Variants in CCDC9B observed in about 807,000 individuals in gnomAD.
CCDC9B encodes the protein coiled-coil domain-containing protein 9B.
Under a neutral mutation model 47.2 loss-of-function variants are expected in CCDC9B, and 40 were observed. That is an observed-to-expected ratio of 0.85 (90% CI 0.66 to 1.10). CCDC9B has a LOEUF of 1.10. CCDC9B is among the 50% of genes least tolerant of loss of function. The pLI is 0.00. For synonymous variants in CCDC9B, 238 were observed against 250.7 expected, an observed-to-expected ratio of 0.95 and a Z score of 0.48; for missense variants, 662 against 651.0, an observed-to-expected ratio of 1.02 and a Z score of -0.18.
Position 40,337,007 on chromosome 15 carries a change from G to A in CCDC9B, c.743-194C>T, listed in dbSNP as rs1423721412. 9.9e-6 allele frequency: 6 copies of A among 604,050 alleles called. No individual in the cohort carries two copies. In the African/African-American group the frequency reaches 1.1e-4, roughly 11 times the overall value. The allele number at this position is 604,050 out of a possible 1,614,324, so 37.4% of individuals were successfully genotyped here. A position where few individuals can be genotyped will look rare whatever the true frequency, so the allele number is the denominator to read the frequency against. On this transcript the variant is annotated intron_variant, in intron 7 of 10. Transcript: ENST00000397536. ...TTTGCCACTCCATGGCTAGGTGTCT[G>A]GCCCCAACTCTCAGGCCACAGCTTC...
rs748700372 is a variant in CCDC9B at position 40,337,754 on chromosome 15, C to A, written c.653G>T (p.Arg218Leu). 8 of 1,606,252 alleles carry A rather than the reference C, an allele frequency of 5.0e-6. No individual in the cohort carries two copies. In the South Asian group the frequency reaches 8.8e-5, roughly 18 times the overall value. Residue 218 changes from arginine (R) to leucine (L), a missense_variant, in exon 6 of 11, where the codon CGC becomes CTC. Physicochemically the swap from Arg to Leu is moderately radical, Grantham distance 102. Transcript: ENST00000397536. ...CTTGGCCTTGTCCAGGTCCCACGGG[C>A]GGCGCCAGTCACCCTGTGCGTCTCT... is the stretch of plus-strand genomic sequence containing the variant. ...RHRDAQGDWR[R>L]PWDLDKAKST...
chr15:40,335,892 A>C, intron 9 of CCDC9B, 66 bp from the exon 10 acceptor site: 2 of 1,567,756 alleles, frequency 1.3e-6, no homozygotes, highest in Non-Finnish European at 8.7e-7. Flanking sequence ...CCCCTGCCTG[A>C]ATAGAGGGGT....
rs1205345746 is a variant in CCDC9B at position 40,337,717 on chromosome 15, C to CCA, written c.683+6_683+7insTG. On this transcript the variant is annotated splice_region_variant and intron_variant, in intron 6 of 10. Coordinates refer to ENST00000397536, the MANE Select transcript of CCDC9B (RefSeq NM_207380.3). ...CCACAGGCAACCTGCCCAACCCAGC[C>CCA]ACCCACGTGGACTTGGCCTTGTCCA... 1.9e-6 allele frequency: 3 copies of CCA among 1,585,838 alleles called. No homozygotes were observed. The East Asian group carries it at 6.7e-5, about 35-fold the overall frequency.
At chr15:40,338,071 A>G (rs754736019) in intron 5 of CCDC9B, 178 bp from the exon 6 acceptor site, 18 of 744,610 alleles carry the variant, frequency 2.4e-5, no homozygotes, top group Non-Finnish European at 3.7e-5. Context: ...TGTTTTACAT[A>G]AGTAATTTAA....
Position 40,338,728 on chromosome 15 carries a change from C to T in CCDC9B, c.387+20G>A. ...AAGAGGCTGCCTGCCGATGCCTGCACTCCCCACCACCCTGCTCACCTCTGC... is the reference window on the plus strand; with the variant it reads ...AAGAGGCTGCCTGCCGATGCCTGCATTCCCCACCACCCTGCTCACCTCTGC... On this transcript the variant is annotated intron_variant, in intron 4 of 10. Coordinates refer to ENST00000397536, the MANE Select transcript of CCDC9B (RefSeq NM_207380.3). 1.2e-6 allele frequency: 2 copies of T among 1,610,640 alleles called. No homozygotes were observed. Among genetic ancestry groups the T allele is most frequent in the South Asian group, 1.1e-5 (1 of 90,808 alleles).
chr15:40,337,605 G>C, intron 6 of CCDC9B, 119 bp downstream of exon 6: 2 of 1,271,008 alleles, frequency 1.6e-6, no homozygotes, highest in South Asian at 3.0e-5. Flanking sequence ...CCCTGGGCTC[G>C]ACCAGAATGC....
chr15:40,340,791 G>A lies in CCDC9B; in HGVS notation c.12+17C>T, dbSNP rs1353872479. On this transcript the variant is annotated intron_variant, in intron 1 of 10. Transcript: ENST00000397536. ...CAGTCCCAAGAAGCCCCCTGCCAAA[G>A]GCAGACTGCCACTCACAGCCGAGTG... The A allele has an allele frequency of 6.2e-7, 1 of 1,603,336 alleles. No homozygotes were observed. Among genetic ancestry groups the A allele is most frequent in the East Asian group, 2.2e-5 (1 of 44,582 alleles).
chr15:40,337,792 G>A lies in CCDC9B; in HGVS notation c.615C>T (p.Arg205=). The part of the protein sequence containing the change: ...KQEREQIDLA[R]LARHRDAQGD... ...CCTGTGCGTCTCTGTGCCGGGCGAG[G>A]CGGGCTAGGTCGATCTGCTCCCGCT... The change falls in exon 6 of 11, where the codon CGC becomes CGT. Residue 205 remains arginine, a synonymous_variant. Transcript: ENST00000397536. The A allele has an allele frequency of 1.9e-6, 3 of 1,610,220 alleles. No homozygotes were observed. Among genetic ancestry groups the A allele is most frequent in the Non-Finnish European group, 1.7e-6 (2 of 1,179,828 alleles).
rs1888883522 is a variant in CCDC9B, at chr15:40,332,782, C to T, written c.*2376G>A. 6.6e-6 allele frequency: 1 copy of T among 152,038 alleles called. No individual in the cohort carries two copies. Among genetic ancestry groups the T allele is most frequent in the South Asian group, 2.1e-4 (1 of 4,834 alleles). 9.4% of individuals were successfully genotyped at this position (152,038 alleles called of 1,614,324 possible). On this transcript the variant is annotated 3_prime_UTR_variant, in exon 11 of 11. Coordinates refer to ENST00000397536, the MANE Select transcript of CCDC9B (RefSeq NM_207380.3). ...GGCTTTGCCTGAACCTCCTCTACCC[C>T]TAGCCCCGTCCTTTGGGAGTCATGG...
chr15:40,339,836 AC>A lies in CCDC9B; in HGVS notation c.123+68del, dbSNP rs1283232785. 4.2e-6 allele frequency: 6 copies of A among 1,431,536 alleles called. No homozygotes were observed. The Admixed American group carries it at 1.0e-4, about 25-fold the overall frequency. The allele number at this position is 1,431,536 out of a possible 1,614,324, so 88.7% of individuals were successfully genotyped here. A position where few individuals can be genotyped will look rare whatever the true frequency, so the allele number is the denominator to read the frequency against. On this transcript the variant is annotated intron_variant, in intron 2 of 10. Transcript: ENST00000397536. ...GGCGCATTGCTGAGCCTGCAGGGAG[AC>A]CACCACGTGTGGGGCACAGGGAGCG...
At position 40,337,850 on chromosome 15, in the gene CCDC9B, TC is replaced by T; in HGVS notation, c.556del (p.Glu186ArgfsTer18). ...CCACTGGGCATAGTCCCAGCCCGCC[TC>T]CGGGGGCTCCCCCACCGGCCGGCTC... ...PWSRPVGEPP[E>X]AGWDYAQWKQ... On this transcript the variant is annotated frameshift_variant, in exon 6 of 11. Coordinates refer to ENST00000397536, the MANE Select transcript of CCDC9B (RefSeq NM_207380.3). LOFTEE classifies it high-confidence loss of function. The T allele has an allele frequency of 2.5e-6, 4 of 1,607,872 alleles. No individual in the cohort carries two copies. Among genetic ancestry groups the T allele is most frequent in the Non-Finnish European group, 3.4e-6 (4 of 1,178,162 alleles).
At chr15:40,337,936 G>C in intron 5 of CCDC9B, 43 bp from the exon 6 acceptor site, 1 of 1,557,480 alleles carries the variant, frequency 6.4e-7, no homozygotes, top group East Asian at 2.3e-5. Flanking sequence ...GAAGCAGGAA[G>C]AGGCTTGGGG....
Position 40,334,786 on chromosome 15 carries a change from C to CGGGGAGCCA in CCDC9B, c.*363_*371dup. On this transcript the variant is annotated 3_prime_UTR_variant, in exon 11 of 11. Transcript: ENST00000397536. ...GGGAGGCCAGGCCCTGGGGGGGTGACGGGGAGCCAGGAGAGCCAGGTGCTG... is the reference window on the plus strand; with the variant it reads ...GGGAGGCCAGGCCCTGGGGGGGTGACGGGGAGCCAGGGGAGCCAGGAGAGCCAGGTGCTG... 1 of 170,310 alleles carries CGGGGAGCCA rather than the reference C, an allele frequency of 5.9e-6. No homozygotes were observed. The highest frequency in any genetic ancestry group is 1.6e-4 in the East Asian group (1 of 6,210). The allele number at this position is 170,310 out of a possible 1,614,324, so 10.5% of individuals were successfully genotyped here. A position where few individuals can be genotyped will look rare whatever the true frequency, so the allele number is the denominator to read the frequency against.
At chr15:40,338,213 T>G (rs1889009092) in intron 5 of CCDC9B, 2 of 699,332 alleles carry the variant, frequency 2.9e-6, no homozygotes, top group African/African-American at 3.5e-5. Flanking sequence ...GGGCAAGGAC[T>G]AGGGGCTGCT....
chr15:40,339,536 G>A lies in CCDC9B; in HGVS notation c.207C>T (p.Thr69=), dbSNP rs770801075. The change falls in exon 3 of 11, where the codon ACC becomes ACT. Residue 69 remains threonine, a synonymous_variant. Transcript: ENST00000397536. The part of the protein sequence containing the change: ...TPALLQPDGL[T]VTISQVPGEK... Reference sequence around the variant, plus strand: ...CACCGGGAACCTGGCTGATGGTAACGGTGAGGCCATCAGGCTGGAGGAGTG... The same window carrying A: ...CACCGGGAACCTGGCTGATGGTAACAGTGAGGCCATCAGGCTGGAGGAGTG... 2.9e-5 allele frequency: 47 copies of A among 1,613,542 alleles called. No homozygotes were observed. Among genetic ancestry groups the A allele is most frequent in the Non-Finnish European group, 3.5e-5 (41 of 1,179,800 alleles).
intron 9 of CCDC9B, 67 bp downstream of exon 9, chr15:40,336,507 C>T: frequency 6.3e-7 from 1 of 1,579,944 alleles, no homozygotes; most frequent in East Asian, 2.3e-5. Flanking sequence ...GCACCTGGGC[C>T]TGTACTGGTC....
At chr15:40,339,091 G>T in intron 3 of CCDC9B, 188 bp from the exon 4 acceptor site, 1 of 694,198 alleles carries the variant, frequency 1.4e-6, no homozygotes, top group South Asian at 1.6e-5. Flanking sequence ...GGGCCACCCA[G>T]CGGCCCAAGA....
In CCDC9B at chr15:40,335,213, C is replaced by G. The variant is rs1015630386; in HGVS notation, c.1418G>C (p.Gly473Ala). The change falls in exon 11 of 11, where the codon GGC becomes GCC. Residue 473 changes from glycine to alanine, a missense_variant. Physicochemically the swap from Gly to Ala is moderately conservative, Grantham distance 60. Coordinates refer to ENST00000397536, the MANE Select transcript of CCDC9B (RefSeq NM_207380.3). ...TGTCCTGCGCCTCACACCTGCTGTG[C>G]CTCTCGACCTTTGGCTGCCTCCTCT... ...PTRGGSQRSRGTAGVRRRTGR... is the reference protein window; with the variant it reads ...PTRGGSQRSRATAGVRRRTGR... The G allele has an allele frequency of 2.8e-5, 44 of 1,569,242 alleles. No individual in the cohort carries two copies. Among genetic ancestry groups the G allele is most frequent in the Non-Finnish European group, 3.8e-5 (44 of 1,155,896 alleles).
chr15:40,333,585 A>AAAAAAAAAAAAAAAAAAAAC lies in CCDC9B; in HGVS notation c.*1572_*1573insGTTTTTTTTTTTTTTTTTTT, dbSNP rs1888898722. 6.6e-6 allele frequency: 1 copy of AAAAAAAAAAAAAAAAAAAAC among 152,102 alleles called. No homozygotes were observed. The highest frequency in any genetic ancestry group is 2.4e-5 in the African/African-American group (1 of 40,988). The allele number at this position is 152,102 out of a possible 1,614,324, so 9.4% of individuals were successfully genotyped here. ...CCTAACTAAAAAAAAAAAAAAAAAAAAAAGACGAACTCTCAGGCCCTCCCC... is the reference window on the plus strand; with the variant it reads ...CCTAACTAAAAAAAAAAAAAAAAAAAAAAAAAAAAAAAAAAAAAACAAAGACGAACTCTCAGGCCCTCCCC... On this transcript the variant is annotated 3_prime_UTR_variant, in exon 11 of 11. Transcript: ENST00000397536.
Sources: allele counts gnomAD v4.1 joint callset, GRCh38; gene constraint gnomAD v4.1.1; transcripts MANE v1.5; gene names NCBI Gene and HGNC (gene_info 2026-07-23, HGNC 2026-07-21).